The following OCLN variants were observed in gnomAD, a reference collection of about 807,000 sequenced individuals.
The protein encoded by OCLN is phosphatase 1, regulatory subunit 115.
OCLN carries 21 observed loss-of-function variants against 47.9 expected under a neutral mutation model. The observed-to-expected ratio is 0.44, with a 90% CI of 0.31 to 0.63. OCLN has a LOEUF of 0.63. OCLN is among the 30% of genes least tolerant of loss of function. The pLI is 0.08. For missense variants in OCLN, 360 were observed against 571.0 expected (o/e 0.63, Z 3.77); for synonymous variants, 117 against 198.4 (o/e 0.59, Z 3.45).
chr5:69,514,172 A>G, intron 4 of OCLN, 63 bp downstream of exon 4: 5 of 1,403,300 alleles, frequency 3.6e-6, no homozygotes, highest in Non-Finnish European at 5.0e-6. Context: ...CTGAATTTTT[A>G]GTGCTTTGTT....
intron 1 of OCLN, among the ~76,000 whole-genome samples, chr5:69,502,753 T>A (rs1768495486): frequency 6.6e-6 from 1 of 152,182 alleles, no homozygotes; most frequent in South Asian, 2.1e-4. Flanking sequence ...TAGGGGGTTG[T>A]GTGTTTACCA....
chr5:69,531,929 G>A (rs1424120955), intron 4 of OCLN, among the ~76,000 whole-genome samples: 2 of 152,110 alleles, frequency 1.3e-5, no homozygotes, highest in East Asian at 1.9e-4. Flanking sequence ...CTAATTGTAA[G>A]GCTTTATAAT....
At chr5:69,526,941 A>G (rs2112037716) in intron 4 of OCLN, among the ~76,000 whole-genome samples, 1 of 152,310 alleles carries the variant, frequency 6.6e-6, no homozygotes, top group Middle Eastern at 3.4e-3. Flanking sequence ...TGGGGTGGAG[A>G]CTTAACATTT....
At chr5:69,550,188 AT>A (rs796132410) in intron 7 of OCLN, among the ~76,000 whole-genome samples, 38,033 of 58,844 alleles carry the variant, frequency 0.65, 11,735 homozygotes, top group South Asian at 0.73. Context: ...TACTTATCTA[AT>A]TTTTTTTTTT....
intron 1 of OCLN, chr5:69,502,383 T>C (rs147175936): frequency 3.3e-5 from 5 of 152,312 alleles, no homozygotes; most frequent in African/African-American, 9.6e-5. Context: ...CCTTTTAAAG[T>C]TACTCTGATA....
chr5:69,530,992 G>C (rs906394239), intron 4 of OCLN, among the ~76,000 whole-genome samples: 2 of 152,222 alleles, frequency 1.3e-5, no homozygotes, highest in African/African-American at 2.4e-5. Context: ...GAAACTGCCC[G>C]CCCTTGCATT....
At chr5:69,516,876 A>G (rs542401398) in intron 4 of OCLN, among the ~76,000 whole-genome samples, 2 of 151,956 alleles carry the variant, frequency 1.3e-5, no homozygotes, top group Non-Finnish European at 2.9e-5. Context: ...AGGCAACATA[A>G]TGGGACCCTG....
chr5:69,492,609 G>A (rs1768165297), upstream of OCLN: 1 of 152,458 alleles, frequency 6.6e-6, no homozygotes, highest in Non-Finnish European at 1.5e-5. Context: ...GAGGCGGCAG[G>A]AACCGAGAGC....
chr5:69,520,468 T>G (rs1337911939), intron 4 of OCLN, among the ~76,000 whole-genome samples: 2 of 151,502 alleles, frequency 1.3e-5, no homozygotes, highest in Non-Finnish European at 2.9e-5. Flanking sequence ...GCCCGGCTAA[T>G]TTTTGTATTT....
At chr5:69,547,420 A>T (rs1249309219) in intron 6 of OCLN, among the ~76,000 whole-genome samples, 20 of 122,650 alleles carry the variant, frequency 1.6e-4, no homozygotes, top group Non-Finnish European at 3.4e-5. Flanking sequence ...AAAATACAAA[A>T]ATTAGCCGGG....
intron 4 of OCLN, among the ~76,000 whole-genome samples, chr5:69,514,781 T>C (rs1479568192): frequency 2.0e-4 from 30 of 151,298 alleles, no homozygotes; most frequent in East Asian, 3.9e-4. Flanking sequence ...CTTGCACCAC[T>C]CTTAATCCAT....
Position 69,514,086 on chromosome 5 carries a change from C to G in OCLN, c.868C>G (p.Gln290Glu). Residue 290 changes from glutamine (Q) to glutamate (E), a missense_variant, in exon 4 of 9, where the codon CAG becomes GAG. Coordinates refer to ENST00000396442, the MANE Select transcript of OCLN (RefSeq NM_001205254.2). ...LWDKEHIYDEQPPNVEEWVKN... is the reference protein window; with the variant it reads ...LWDKEHIYDEEPPNVEEWVKN... ...GGACAAGGAACACATTTATGATGAG[C>G]AGCCCCCCAATGTCGAGGAGTGGGT... is the stretch of plus-strand genomic sequence containing the variant. 6.2e-7 allele frequency: 1 copy of G among 1,614,062 alleles called. No homozygotes were observed. Among genetic ancestry groups the G allele is most frequent in the South Asian group, 1.1e-5 (1 of 91,072 alleles).
At chr5:69,523,861 C>T (rs1580573695) in intron 4 of OCLN, among the ~76,000 whole-genome samples, 1 of 152,008 alleles carries the variant, frequency 6.6e-6, no homozygotes, top group Non-Finnish European at 1.5e-5. Context: ...AAAAACTGGA[C>T]TTTAAGGCTG....
At chr5:69,549,340 C>CAAAAAAAA (rs1172698181) in intron 7 of OCLN, among the ~76,000 whole-genome samples, 2 of 51,532 alleles carry the variant, frequency 3.9e-5, no homozygotes, top group Non-Finnish European at 6.5e-5. Context: ...GACTCCATCT[C>CAAAAAAAA]AAAAAAAAAA....
Position 69,554,303 on chromosome 5 carries a change from G to C in OCLN, c.*632G>C, listed in dbSNP as rs1769913139. Reference sequence around the variant, plus strand: ...CTTAAATAATAAAGATCATGTAAAAGTAACAAATGTGTGAAATTTAAAGAT... The same window carrying C: ...CTTAAATAATAAAGATCATGTAAAACTAACAAATGTGTGAAATTTAAAGAT... On this transcript the variant is annotated 3_prime_UTR_variant, in exon 9 of 9. Coordinates refer to ENST00000396442, the MANE Select transcript of OCLN (RefSeq NM_001205254.2). 1 of 150,154 alleles carries C rather than the reference G, an allele frequency of 6.7e-6. No individual in the cohort carries two copies. Among genetic ancestry groups the C allele is most frequent in the Non-Finnish European group, 1.5e-5 (1 of 67,690 alleles). 9.3% of individuals were successfully genotyped at this position (150,154 alleles called of 1,614,324 possible). A position where few individuals can be genotyped will look rare whatever the true frequency, so the allele number is the denominator to read the frequency against.
At chr5:69,524,964 G>A (rs892390244) in intron 4 of OCLN, among the ~76,000 whole-genome samples, 1 of 152,172 alleles carries the variant, frequency 6.6e-6, no homozygotes, top group Non-Finnish European at 1.5e-5. Flanking sequence ...TGGGATTACA[G>A]GTGTGAGTGT....
intron 4 of OCLN, among the ~76,000 whole-genome samples, chr5:69,526,096 C>T (rs1004073185): frequency 2.0e-5 from 3 of 152,110 alleles, no homozygotes; most frequent in Non-Finnish European, 4.4e-5. Context: ...GTCAGTAGTT[C>T]TCAAACTTTT....
At chr5:69,503,775 TATC>T (rs1191942440) in intron 1 of OCLN, among the ~76,000 whole-genome samples, 4 of 152,188 alleles carry the variant, frequency 2.6e-5, no homozygotes, top group African/African-American at 9.7e-5. Context: ...TGCATTTTAT[TATC>T]ATTTTTAATG....
intron 4 of OCLN, among the ~76,000 whole-genome samples, chr5:69,533,555 G>T (rs1370364796): frequency 6.6e-6 from 1 of 152,146 alleles, no homozygotes; most frequent in Non-Finnish European, 1.5e-5. Context: ...AGTAGGACTT[G>T]ATTGCTGTTT....
Sources: allele counts gnomAD v4.1 joint callset (sites outside exome capture counted in the v4.1 genomes callset), GRCh38; gene constraint gnomAD v4.1.1; transcripts MANE v1.5; gene names NCBI Gene and HGNC (gene_info 2026-07-23, HGNC 2026-07-21).